The following BRIP1 variants were observed in gnomAD, a reference collection of about 807,000 sequenced individuals.
The protein encoded by BRIP1 is BRCA1 interacting DNA helicase 1, also known as Fanconi anemia group J protein.
A neutral mutation model predicts 119.7 loss-of-function variants in BRIP1; 88 were observed. That is an observed-to-expected ratio of 0.74 (90% CI 0.62 to 0.88). The LOEUF (loss-of-function observed/expected upper bound fraction) is 0.88, where lower values mean the gene tolerates loss of function less well. Ranked by LOEUF, BRIP1 falls within the 40% of genes least tolerant of loss-of-function variation. The probability of loss-of-function intolerance (pLI) is 0.00; values close to 1 mark genes in which losing one functional copy is unlikely to be tolerated. For synonymous variants in BRIP1, 443 were observed against 496.5 expected, an observed-to-expected ratio of 0.89 and a Z score of 1.43; for missense variants, 1,259 against 1,455.4, an observed-to-expected ratio of 0.87 and a Z score of 2.20.
Position 61,770,412 on chromosome 17 carries a change from A to T in BRIP1, c.2097+5989T>A, listed in dbSNP as rs1438344731. Among the ~76,000 whole-genome samples the T allele has an allele frequency of 1.3e-5, 2 of 152,220 alleles. No individual in the cohort carries two copies. The highest frequency in any genetic ancestry group is 2.1e-4 in the South Asian group (1 of 4,824). ...AGTCCACATTAAGAATTAATTAAAG[A>T]GCACTGGTCAAGATAACTACAAGGT... On this transcript the variant is annotated intron_variant, in intron 14 of 19. Transcript: ENST00000259008. The surrounding 1 kb of genome is among the most constrained non-coding windows in gnomAD (Gnocchi z 4.7).
In BRIP1 at chr17:61,808,090, GTTT is replaced by G. The variant is rs2078100235; in HGVS notation, c.918+374_918+376del. 6.6e-6 allele frequency among the ~76,000 whole-genome samples: 1 copy of G among 152,064 alleles called. No individual in the cohort carries two copies. Among genetic ancestry groups the G allele is most frequent in the Non-Finnish European group, 1.5e-5 (1 of 67,986 alleles). ...CCTAAATAAACTATCTGCTTTTGAA[GTTT>G]TTAAGTATATAAAGTATATTAATTA... On this transcript the variant is annotated intron_variant, in intron 7 of 19. Transcript: ENST00000259008. This position sits in a 1 kb window ranked among gnomAD's most constrained non-coding sequence, Gnocchi z 4.1.
rs1555591547 is a variant in BRIP1, at chr17:61,744,585, C to A, written c.2104G>T (p.Glu702Ter). The A allele has an allele frequency of 6.2e-7, 1 of 1,612,896 alleles. No individual in the cohort carries two copies. The highest frequency in any genetic ancestry group is 1.1e-5 in the South Asian group (1 of 91,050). ...GAGAGCCAACGTTCTTTTAATTTTT[C>A]TAATAACTAAAGAGGGGAAAGAAAA... Reference protein sequence around the residue: ...LCFLPSYKLLEKLKERWLSTG... With the variant: ...LCFLPSYKLL Residue 702 changes from glutamate (E) to a stop codon, truncating the protein, a stop_gained, in exon 15 of 20, where the codon GAA becomes TAA. Coordinates refer to ENST00000259008, the MANE Select transcript of BRIP1 (RefSeq NM_032043.3). LOFTEE classifies it high-confidence loss of function. The surrounding 1 kb of genome is among the most constrained non-coding windows in gnomAD (Gnocchi z 5.0).
intron 6 of BRIP1, 46 bp downstream of exon 6, chr17:61,847,055 T>A (rs1391855721): frequency 6.2e-7 from 1 of 1,610,830 alleles, no homozygotes; most frequent in Admixed American, 1.7e-5. Context: ...TTTAGAAAAT[T>A]CCATATCTTC....
At position 61,767,141 on chromosome 17, in the gene BRIP1, A is replaced by G. The variant is rs2077385049; in HGVS notation, c.2097+9260T>C. ...ATGCTGCAGTTTACATCAAAAGAAT[A>G]TTAGTTTTTACTCAGTGAAAGAGTA... On this transcript the variant is annotated intron_variant, in intron 14 of 19. Transcript: ENST00000259008. The surrounding 1 kb of genome is among the most constrained non-coding windows in gnomAD (Gnocchi z 5.7). Among the ~76,000 whole-genome samples the G allele has an allele frequency of 6.6e-6, 1 of 152,200 alleles. No individual in the cohort carries two copies. Among genetic ancestry groups the G allele is most frequent in the Non-Finnish European group, 1.5e-5 (1 of 68,032 alleles).
In BRIP1 at chr17:61,844,372, G is replaced by T. The variant is rs905306307; in HGVS notation, c.627+2729C>A. ...GGCCCAGGCAAGAGGATCACTGGAG[G>T]CCATGAGTTTGAGACCAACCTGGGC... On this transcript the variant is annotated intron_variant, in intron 6 of 19. Coordinates refer to ENST00000259008, the MANE Select transcript of BRIP1 (RefSeq NM_032043.3). The surrounding 1 kb of genome is among the most constrained non-coding windows in gnomAD (Gnocchi z 4.7). Among the ~76,000 whole-genome samples the T allele has an allele frequency of 1.3e-5, 2 of 152,124 alleles. No homozygotes were observed. Among genetic ancestry groups the T allele is most frequent in the African/African-American group, 4.8e-5 (2 of 41,444 alleles).
chr17:61,773,175 A>G (rs1197531577), intron 14 of BRIP1, among the ~76,000 whole-genome samples: 2 of 152,118 alleles, frequency 1.3e-5, no homozygotes, highest in African/African-American at 4.8e-5. Flanking sequence ...AAAGACAAAT[A>G]CAACCAAGAC....
In BRIP1 at chr17:61,727,623, C is replaced by T. The variant is rs570052023; in HGVS notation, c.2380-11560G>A. ...CTCTACAAAATAAAAATTAGCTGGGCATGGTGGTAGGAGTCTGTAGTCCCA... is the reference window on the plus strand; with the variant it reads ...CTCTACAAAATAAAAATTAGCTGGGTATGGTGGTAGGAGTCTGTAGTCCCA... On this transcript the variant is annotated intron_variant, in intron 16 of 19. Coordinates refer to ENST00000259008, the MANE Select transcript of BRIP1 (RefSeq NM_032043.3). Among the ~76,000 whole-genome samples the T allele has an allele frequency of 5.9e-5, 9 of 151,852 alleles. No homozygotes were observed. In the East Asian group the frequency reaches 1.6e-3, roughly 26 times the overall value.
chr17:61,787,021 T>C lies in BRIP1; in HGVS notation c.1474-2597A>G, dbSNP rs554538623. Among the ~76,000 whole-genome samples the C allele has an allele frequency of 4.9e-4, 58 of 117,756 alleles. No individual in the cohort carries two copies. In the East Asian group the frequency reaches 0.014, roughly 27 times the overall value. The allele number at this position is 117,756 out of a possible 152,430, so 77.3% of individuals were successfully genotyped here. ...AAATAATTTTATAAAATTATAATTT[T>C]ATTTATAAATAAATTTATATAAATT... On this transcript the variant is annotated intron_variant, in intron 10 of 19. Transcript: ENST00000259008.
chr17:61,713,987 G>C lies in BRIP1; in HGVS notation c.2492+1964C>G, dbSNP rs553243924. Among the ~76,000 whole-genome samples, 2 of 151,818 alleles carry C rather than the reference G, an allele frequency of 1.3e-5. No homozygotes were observed. Among genetic ancestry groups the C allele is most frequent in the Non-Finnish European group, 2.9e-5 (2 of 67,968 alleles). On this transcript the variant is annotated intron_variant, in intron 17 of 19. Transcript: ENST00000259008. This position sits in a 1 kb window ranked among gnomAD's most constrained non-coding sequence, Gnocchi z 4.9. Reference sequence around the variant, plus strand: ...AAAGAGTCAAAAAGGTAAAAAAAAAGATAAAAAGATAAAAAGTTTATAAAG... The same window carrying C: ...AAAGAGTCAAAAAGGTAAAAAAAAACATAAAAAGATAAAAAGTTTATAAAG...
chr17:61,780,825 A>G lies in BRIP1; in HGVS notation c.1794+15T>C. On this transcript the variant is annotated intron_variant, in intron 12 of 19. Transcript: ENST00000259008. This position sits in a 1 kb window ranked among gnomAD's most constrained non-coding sequence, Gnocchi z 5.4. ...GAGCAAGAAGACAAAATTTCCATTT[A>G]CATGATGAGCTTACCACAGCTGGAT... The G allele has an allele frequency of 6.2e-7, 1 of 1,613,084 alleles. No individual in the cohort carries two copies. The highest frequency in any genetic ancestry group is 1.3e-5 in the African/African-American group (1 of 75,040).
In BRIP1 at chr17:61,759,518, C is replaced by T. The variant is rs1367920080; in HGVS notation, c.2098-14927G>A. Among the ~76,000 whole-genome samples the T allele has an allele frequency of 6.6e-6, 1 of 151,880 alleles. No homozygotes were observed. On this transcript the variant is annotated intron_variant, in intron 14 of 19. Transcript: ENST00000259008. This position sits in a 1 kb window ranked among gnomAD's most constrained non-coding sequence, Gnocchi z 4.9. ...CACTTTCAACAATGAACAAATCATC[C>T]AGACAGAAAATATATTTAAAAACAT...
chr17:61,800,057 AT>A (rs1346329523), intron 8 of BRIP1, among the ~76,000 whole-genome samples: 2 of 152,140 alleles, frequency 1.3e-5, no homozygotes, highest in Non-Finnish European at 2.9e-5. Context: ...AGGGACTAAT[AT>A]GTGGCCATGC....
In BRIP1 at chr17:61,778,202, G is replaced by A. The variant is rs1181908984; in HGVS notation, c.1936-1640C>T. ...TATCTGCAACATGGACAAACCTTGA[G>A]GACATTACTAAGTAAAATAAGCCAG... On this transcript the variant is annotated intron_variant, in intron 13 of 19. Transcript: ENST00000259008. The surrounding 1 kb of genome is among the most constrained non-coding windows in gnomAD (Gnocchi z 4.4). Among the ~76,000 whole-genome samples, 1 of 152,110 alleles carries A rather than the reference G, an allele frequency of 6.6e-6. No individual in the cohort carries two copies. Among genetic ancestry groups the A allele is most frequent in the Non-Finnish European group, 1.5e-5 (1 of 68,038 alleles).
In BRIP1 at chr17:61,684,147, A is replaced by G. The variant is rs1237575383; in HGVS notation, c.2906-7T>C. 22 of 1,612,700 alleles carry G rather than the reference A, an allele frequency of 1.4e-5. No homozygotes were observed. Among genetic ancestry groups the G allele is most frequent in the Non-Finnish European group, 1.9e-5 (22 of 1,179,472 alleles). ...TCCAGGAATACTGGATCATCTAAGAATACAAGAATTTAAGAGATTTAACTT... is the reference window on the plus strand; with the variant it reads ...TCCAGGAATACTGGATCATCTAAGAGTACAAGAATTTAAGAGATTTAACTT... On this transcript the variant is annotated splice_polypyrimidine_tract_variant and splice_region_variant and intron_variant, in intron 19 of 19. Transcript: ENST00000259008. The surrounding 1 kb of genome is among the most constrained non-coding windows in gnomAD (Gnocchi z 4.5).
chr17:61,716,234 A>T (rs2061860659), intron 16 of BRIP1, among the ~76,000 whole-genome samples, 171 bp from the exon 17 acceptor site: 1 of 151,952 alleles, frequency 6.6e-6, no homozygotes, highest in East Asian at 1.9e-4. Context: ...TTAGCTTCAC[A>T]TTCCTTAAAT....
In BRIP1 at chr17:61,694,059, G is replaced by T. The variant is rs114499601; in HGVS notation, c.2493-547C>A. Among the ~76,000 whole-genome samples, 405 of 151,862 alleles carry T rather than the reference G, an allele frequency of 2.7e-3. 1 individual carries two copies. The highest frequency in any genetic ancestry group is 0.01 in the Middle Eastern group (3 of 294). ...TTTTATAGATTGTTGGATTCAATTT[G>T]CTAGTTTAAAAAAACACATTAAAAA... On this transcript the variant is annotated intron_variant, in intron 17 of 19. Coordinates refer to ENST00000259008, the MANE Select transcript of BRIP1 (RefSeq NM_032043.3).
chr17:61,727,919 C>A (rs1220210109), intron 16 of BRIP1, among the ~76,000 whole-genome samples: 1 of 151,618 alleles, frequency 6.6e-6, no homozygotes, highest in Non-Finnish European at 1.5e-5. Flanking sequence ...ACCTCTGCTC[C>A]CTCAGTTCAA....
chr17:61,708,166 C>G lies in BRIP1; in HGVS notation c.2492+7785G>C, dbSNP rs2144316223. ...TAGCCTGCAAAGCCTAAAATATACA[C>G]AATAGTCCCCCACAGCCACAATCTT... On this transcript the variant is annotated intron_variant, in intron 17 of 19. Transcript: ENST00000259008. This position sits in a 1 kb window ranked among gnomAD's most constrained non-coding sequence, Gnocchi z 4.4. Among the ~76,000 whole-genome samples, 1 of 152,254 alleles carries G rather than the reference C, an allele frequency of 6.6e-6. No homozygotes were observed. Among genetic ancestry groups the G allele is most frequent in the African/African-American group, 2.4e-5 (1 of 41,548 alleles).
chr17:61,797,432 A>G (rs1303140870), intron 9 of BRIP1, among the ~76,000 whole-genome samples: 1 of 151,922 alleles, frequency 6.6e-6, no homozygotes, highest in African/African-American at 2.4e-5. Flanking sequence ...AGAAACAATA[A>G]CCTCTGTATT....
Sources: gnomAD v4.1 joint callset for allele counts (sites outside exome capture counted in the v4.1 genomes callset) on GRCh38, gnomAD v4.1.1 for gene constraint, Gnocchi (gnomAD v3.1) non-coding constraint, MANE v1.5 for transcripts, NCBI Gene and HGNC (gene_info 2026-07-23, HGNC 2026-07-21) for gene names.